GRM7: variants seen among roughly 807,000 people sequenced by gnomAD.
The protein encoded by GRM7 is metabotropic glutamate receptor 7.
Under a neutral mutation model 84.5 loss-of-function variants are expected in GRM7, and 35 were observed. The observed-to-expected ratio is 0.41, with a 90% confidence interval of 0.32 to 0.55. GRM7 has a LOEUF of 0.55. Ranked by LOEUF, GRM7 falls within the 20% of genes least tolerant of loss-of-function variation. The pLI, the probability that GRM7 is intolerant of heterozygous loss-of-function variation, is 0.19. For synonymous variants in GRM7, 487 were observed against 455.1 expected (o/e 1.07, Z -0.89); for missense variants, 1,003 against 1,194.6 (o/e 0.84, Z 2.36).
At chr3:7,008,827 G>C (rs982575449) in intron 1 of GRM7, among the ~76,000 whole-genome samples, 10 of 151,984 alleles carry the variant, frequency 6.6e-5, no homozygotes, top group African/African-American at 2.4e-5. Flanking sequence ...AAGAAGCTTA[G>C]AGCCAGTGAA....
chr3:7,654,646 T>C (rs1475794225), intron 8 of GRM7, among the ~76,000 whole-genome samples: 1 of 152,230 alleles, frequency 6.6e-6, no homozygotes, highest in Admixed American at 6.5e-5. Flanking sequence ...TAATCAGCTC[T>C]GTGAACTTCT....
At chr3:7,286,034 C>CATTT (rs1699419816) in intron 2 of GRM7, among the ~76,000 whole-genome samples, 2 of 152,084 alleles carry the variant, frequency 1.3e-5, no homozygotes, top group African/African-American at 4.8e-5. Flanking sequence ...ACAGCATTGT[C>CATTT]AAATAGGTAG....
intron 1 of GRM7, among the ~76,000 whole-genome samples, chr3:7,033,951 A>G (rs1184278504): frequency 1.3e-5 from 2 of 152,204 alleles, no homozygotes; most frequent in African/African-American, 4.8e-5. Context: ...ACAATAGAAC[A>G]TTGGTTCAAA....
chr3:7,569,836 A>G (rs947184639), intron 7 of GRM7, among the ~76,000 whole-genome samples: 1 of 152,110 alleles, frequency 6.6e-6, no homozygotes, highest in Non-Finnish European at 1.5e-5. Context: ...CAGAAGGAAG[A>G]AACTCTGAAC....
chr3:7,000,490 C>G (rs1694976081), intron 1 of GRM7, among the ~76,000 whole-genome samples: 1 of 152,044 alleles, frequency 6.6e-6, no homozygotes, highest in East Asian at 1.9e-4. Flanking sequence ...CCCGGGCGAG[C>G]ATGTGACATT....
intron 8 of GRM7, among the ~76,000 whole-genome samples, chr3:7,667,823 T>C (rs1046492691): frequency 6.9e-6 from 1 of 144,738 alleles, no homozygotes; most frequent in East Asian, 2.0e-4. Context: ...AAAACACATA[T>C]AGGGTCTCAG....
At chr3:7,657,389 G>A (rs375294734) in intron 8 of GRM7, among the ~76,000 whole-genome samples, 1 of 152,162 alleles carries the variant, frequency 6.6e-6, no homozygotes, top group African/African-American at 2.4e-5. Flanking sequence ...CATCTGGACA[G>A]GGTTCACGTG....
chr3:7,463,468 A>G (rs1178633805), intron 7 of GRM7, among the ~76,000 whole-genome samples: 1 of 152,176 alleles, frequency 6.6e-6, no homozygotes, highest in Non-Finnish European at 1.5e-5. Flanking sequence ...ATACCTATCA[A>G]GTTAGAAGCA....
chr3:7,369,481 A>G (rs1559272360), intron 4 of GRM7, among the ~76,000 whole-genome samples: 1 of 152,010 alleles, frequency 6.6e-6, no homozygotes, highest in Non-Finnish European at 1.5e-5. Context: ...AACTTTGCCA[A>G]ATGGACACAA....
intron 1 of GRM7, among the ~76,000 whole-genome samples, chr3:7,063,627 G>T (rs891969880): frequency 6.6e-6 from 1 of 151,614 alleles, no homozygotes; most frequent in African/African-American, 2.4e-5. Context: ...ATTTGGCTAG[G>T]TTTATAATCC....
chr3:7,591,098 C>A (rs1695760224), intron 8 of GRM7, among the ~76,000 whole-genome samples: 1 of 152,144 alleles, frequency 6.6e-6, no homozygotes, highest in African/African-American at 2.4e-5. Flanking sequence ...GAGCCATGTA[C>A]ACTAATGTCT....
intron 8 of GRM7, among the ~76,000 whole-genome samples, chr3:7,657,958 C>A (rs1699275944): frequency 6.6e-6 from 1 of 152,172 alleles, no homozygotes; most frequent in Admixed American, 6.5e-5. Flanking sequence ...AGAGAGCATT[C>A]TGCTCCTGGG....
intron 7 of GRM7, among the ~76,000 whole-genome samples, chr3:7,466,126 T>C (rs1260938658): frequency 2.6e-5 from 4 of 152,134 alleles, no homozygotes; most frequent in Non-Finnish European, 5.9e-5. Context: ...ATACTCTTCC[T>C]GGGGGAGAGA....
chr3:7,547,626 C>T (rs1693228518), intron 7 of GRM7, among the ~76,000 whole-genome samples: 2 of 152,100 alleles, frequency 1.3e-5, no homozygotes, highest in South Asian at 4.1e-4. Context: ...TCAGAAAGTC[C>T]AGGTCAGGGT....
At chr3:7,360,123 C>T (rs56230781) in intron 4 of GRM7, among the ~76,000 whole-genome samples, 5,349 of 133,494 alleles carry the variant, frequency 0.04, 881 homozygotes, top group African/African-American at 0.15. Flanking sequence ...TTTCTCCCCC[C>T]CTTTTTTTTC....
chr3:7,679,241 T>C (rs1312564372), intron 8 of GRM7, among the ~76,000 whole-genome samples: 2 of 152,082 alleles, frequency 1.3e-5, no homozygotes, highest in Non-Finnish European at 2.9e-5. Context: ...ATTGAATGAG[T>C]ACAGTTCATT....
intron 1 of GRM7, among the ~76,000 whole-genome samples, chr3:6,917,031 G>A (rs933439176): frequency 6.6e-6 from 1 of 152,000 alleles, no homozygotes; most frequent in Non-Finnish European, 1.5e-5. Context: ...ACTGCCTAGC[G>A]ATTCTATTCA....
chr3:7,700,836 A>C (rs1701201093), intron 9 of GRM7, among the ~76,000 whole-genome samples: 1 of 152,198 alleles, frequency 6.6e-6, no homozygotes, highest in South Asian at 2.1e-4. Context: ...GCAGGAATGT[A>C]AATAGTTTTA....
At chr3:7,730,759 T>A (rs1287748529) in intron 9 of GRM7, among the ~76,000 whole-genome samples, 1 of 152,200 alleles carries the variant, frequency 6.6e-6, no homozygotes, top group Non-Finnish European at 1.5e-5. Context: ...AGCTTCGATC[T>A]TTGATGTATG....
Sources: gnomAD v4.1 joint callset for allele counts (sites outside exome capture counted in the v4.1 genomes callset) on GRCh38, gnomAD v4.1.1 for gene constraint, MANE v1.5 for transcripts, NCBI Gene and HGNC (gene_info 2026-07-23, HGNC 2026-07-21) for gene names.